The following DKK3 variants were observed in gnomAD, a reference collection of about 807,000 sequenced individuals.
DKK3 encodes the protein dickkopf-related protein 3.
DKK3 carries 22 observed loss-of-function variants against 33.2 expected under a neutral mutation model. That is an observed-to-expected ratio of 0.66 (90% CI 0.47 to 0.95). DKK3 has a LOEUF of 0.95. Among genes scored for constraint, DKK3 ranks in the 40% least tolerant of loss-of-function variants. The pLI is 0.00. For synonymous variants in DKK3, 194 were observed against 188.8 expected (o/e 1.03, Z -0.23); for missense variants, 398 against 458.4 (o/e 0.87, Z 1.20).
chr11:11,999,053 C>G (rs576575741), intron 2 of DKK3, among the ~76,000 whole-genome samples: 7 of 152,196 alleles, frequency 4.6e-5, no homozygotes, highest in African/African-American at 1.7e-4. Context: ...CGCACAGTGC[C>G]CAACACCCAG....
chr11:12,003,864 A>C (rs1848482512), intron 1 of DKK3, among the ~76,000 whole-genome samples: 1 of 152,192 alleles, frequency 6.6e-6, no homozygotes, highest in Non-Finnish European at 1.5e-5. Context: ...GAGGAGGATA[A>C]GAGGAAAGAA....
intron 2 of DKK3, among the ~76,000 whole-genome samples, chr11:11,999,388 G>A (rs1053357756): frequency 3.9e-5 from 6 of 152,178 alleles, no homozygotes; most frequent in Non-Finnish European, 5.9e-5. Context: ...GAAAGGTCAC[G>A]TCTAATGTCT....
At chr11:11,978,708 G>A (rs532728482) in intron 3 of DKK3, 3 of 152,178 alleles carry the variant, frequency 2.0e-5, no homozygotes, top group African/African-American at 7.2e-5. Flanking sequence ...AAAAGCCTCT[G>A]GATTGTGTAT....
In DKK3 at chr11:11,964,670, C is replaced by T; in HGVS notation, c.847G>A (p.Val283Met). Residue 283 changes from valine (V) to methionine (M), a missense_variant, in exon 7 of 7, where the codon GTG (valine) becomes ATG (methionine). Val to Met is a conservative substitution (Grantham distance 21, BLOSUM62 1). Transcript: ENST00000683431. ...CQPHSHSLVYVCKPTFVGSRD... is the reference protein window; with the variant it reads ...CQPHSHSLVYMCKPTFVGSRD... ...CTCCCCACGAAGGTCGGCTTGCACA[C>T]ATACACCAGGCTGTGGCTGGGGAGA... 1 of 1,613,974 alleles carries T rather than the reference C, an allele frequency of 6.2e-7. No homozygotes were observed. Among genetic ancestry groups the T allele is most frequent in the Non-Finnish European group, 8.5e-7 (1 of 1,179,986 alleles).
intron 3 of DKK3, among the ~76,000 whole-genome samples, chr11:11,995,831 G>A (rs998213801): frequency 1.3e-5 from 2 of 152,200 alleles, no homozygotes; most frequent in African/African-American, 2.4e-5. Context: ...CCCATCAGCC[G>A]ATGTGCTCAG....
At chr11:12,009,693 C>A, upstream of DKK3, 1 of 985,706 alleles carries the variant, frequency 1.0e-6, no homozygotes, top group Non-Finnish European at 1.2e-6. Flanking sequence ...AAATCCCAGC[C>A]CCCAGCCTGG....
chr11:11,986,383 G>C (rs978477616), intron 3 of DKK3, among the ~76,000 whole-genome samples: 2 of 152,184 alleles, frequency 1.3e-5, no homozygotes, highest in African/African-American at 4.8e-5. Context: ...GCAGCAGCAA[G>C]TCTGACACCC....
At chr11:12,009,431 G>A (rs1848613942), upstream of DKK3, 1 of 829,804 alleles carries the variant, frequency 1.2e-6, no homozygotes, top group African/African-American at 2.2e-5. Context: ...GCCGCAGCCC[G>A]GCCATTGGCC....
intron 3 of DKK3, among the ~76,000 whole-genome samples, chr11:11,975,866 G>C (rs2135019565): frequency 6.6e-6 from 1 of 152,312 alleles, no homozygotes; most frequent in South Asian, 2.1e-4. Context: ...GCTGAGACAG[G>C]CTTTTGCGCC....
At chr11:11,964,948 G>A (rs574538145) in intron 6 of DKK3, among the ~76,000 whole-genome samples, 9 of 152,258 alleles carry the variant, frequency 5.9e-5, no homozygotes, top group Admixed American at 1.3e-4. Context: ...CTCAGGCCCC[G>A]CAGCCCAGGG....
rs1261982016 is a variant in DKK3, at chr11:11,987,608, G to A, written c.435+11088C>T. Among the ~76,000 whole-genome samples, 302 of 152,332 alleles carry A rather than the reference G, an allele frequency of 2.0e-3. 1 individual carries two copies. Among genetic ancestry groups the A allele is most frequent in the African/African-American group, 6.9e-3 (286 of 41,566 alleles). ...AATTGATTAGTAATGTCTGCCATGT[G>A]CCCGGAGGTGGGGTATGGCAGTGGA... On this transcript the variant is annotated intron_variant, in intron 3 of 6. Transcript: ENST00000683431.
chr11:12,004,946 T>C (rs948555059), intron 1 of DKK3, among the ~76,000 whole-genome samples: 2 of 152,108 alleles, frequency 1.3e-5, no homozygotes, highest in African/African-American at 4.8e-5. Context: ...GGGGCTGAGA[T>C]AGAAGACAGA....
Position 11,964,489 on chromosome 11 carries a change from G to A in DKK3, c.1028C>T (p.Ala343Val). The A allele has an allele frequency of 1.9e-6, 3 of 1,612,584 alleles. No homozygotes were observed. The highest frequency in any genetic ancestry group is 2.5e-6 in the Non-Finnish European group (3 of 1,179,926). Residue 343 changes from alanine to valine, a missense_variant, in exon 7 of 7, where the codon GCA becomes GTA. Coordinates refer to ENST00000683431, the MANE Select transcript of DKK3 (RefSeq NM_001018057.2). ...ALREPAAAAA[A>V]LLGGEEI is the part of the protein sequence containing the mutation. The stretch of plus-strand genomic sequence containing the variant: ...CTAAATCTCTTCCCCTCCCAGCAGT[G>A]CAGCGGCGGCAGCCGCAGGCTCCCT...
intron 3 of DKK3, among the ~76,000 whole-genome samples, chr11:11,983,309 G>A (rs550163831): frequency 6.6e-6 from 1 of 152,338 alleles, no homozygotes; most frequent in South Asian, 2.1e-4. Context: ...TGCAAGAGCT[G>A]GTTCCTCAGG....
intron 3 of DKK3, among the ~76,000 whole-genome samples, chr11:11,982,123 CA>C (rs1847967415): frequency 6.6e-6 from 1 of 152,138 alleles, no homozygotes; most frequent in South Asian, 2.1e-4. Flanking sequence ...CAATGAACAG[CA>C]GACATCTGGA....
intron 2 of DKK3, among the ~76,000 whole-genome samples, chr11:11,999,500 C>T (rs1451499724): frequency 1.3e-5 from 2 of 152,140 alleles, no homozygotes; most frequent in African/African-American, 2.4e-5. Flanking sequence ...TGGCAAGTGC[C>T]GATAATCCCA....
chr11:11,984,212 C>T (rs796523973), intron 3 of DKK3, among the ~76,000 whole-genome samples: 22 of 152,270 alleles, frequency 1.4e-4, no homozygotes, highest in African/African-American at 5.1e-4. Flanking sequence ...GGTAAACATA[C>T]AGGATTACAA....
intron 4 of DKK3, 122 bp downstream of exon 4, chr11:11,968,273 G>A: frequency 1.2e-6 from 1 of 865,662 alleles, no homozygotes; most frequent in African/African-American, 1.7e-5. Flanking sequence ...GCCCTCTTGG[G>A]TCCTCCCCAT....
chr11:11,996,489 A>G (rs1329735045), intron 3 of DKK3, among the ~76,000 whole-genome samples: 1 of 152,204 alleles, frequency 6.6e-6, no homozygotes, highest in East Asian at 1.9e-4. Context: ...TGAGGCACAC[A>G]TGCCACATTC....
Sources: allele counts gnomAD v4.1 joint callset (sites outside exome capture counted in the v4.1 genomes callset), GRCh38; gene constraint gnomAD v4.1.1; transcripts MANE v1.5; gene names NCBI Gene and HGNC (gene_info 2026-07-23, HGNC 2026-07-21).